Variants in SYN3 observed in about 807,000 individuals in gnomAD.
The protein encoded by SYN3 is synapsin-3.
Under a neutral mutation model 65.8 loss-of-function variants are expected in SYN3, and 35 were observed. That is an observed-to-expected ratio of 0.53 (90% CI 0.41 to 0.70). The LOEUF is 0.70. SYN3 is among the 30% of genes least tolerant of loss of function. The probability of loss-of-function intolerance (pLI) is 0.00; values close to 1 mark genes in which losing one functional copy is unlikely to be tolerated. For missense variants in SYN3, 680 were observed against 749.0 expected, an observed-to-expected ratio of 0.91 and a Z score of 1.08; for synonymous variants, 270 against 292.9, an observed-to-expected ratio of 0.92 and a Z score of 0.80.
intron 3 of SYN3, among the ~76,000 whole-genome samples, chr22:32,971,533 G>A (rs1159947274): frequency 1.3e-5 from 2 of 152,064 alleles, no homozygotes; most frequent in African/African-American, 4.8e-5. Flanking sequence ...AACACAAGGA[G>A]GTCAAATAGG....
intron 1 of SYN3, among the ~76,000 whole-genome samples, chr22:33,013,597 T>G (rs973283366): frequency 6.6e-6 from 1 of 152,198 alleles, no homozygotes; most frequent in Non-Finnish European, 1.5e-5. Context: ...AATTTTGAAA[T>G]ATACAATGCA....
chr22:32,693,542 G>A (rs1337682178), intron 6 of SYN3, among the ~76,000 whole-genome samples: 1 of 150,984 alleles, frequency 6.6e-6, no homozygotes, highest in Non-Finnish European at 1.5e-5. Flanking sequence ...CCCTGTATAG[G>A]TAGTTGTTTG....
chr22:32,798,047 G>T (rs890827700), intron 6 of SYN3, among the ~76,000 whole-genome samples: 5 of 152,156 alleles, frequency 3.3e-5, no homozygotes, highest in Non-Finnish European at 5.9e-5. Flanking sequence ...CAGAAACAAA[G>T]TTTTCATGTG....
chr22:32,902,871 C>CAAA (rs1158432098), intron 4 of SYN3, among the ~76,000 whole-genome samples: 5 of 127,518 alleles, frequency 3.9e-5, no homozygotes, highest in Admixed American at 1.6e-4. Context: ...CCCCTGGAGA[C>CAAA]AAAAAAAAAA....
intron 6 of SYN3, among the ~76,000 whole-genome samples, chr22:32,672,247 C>T (rs1043871698): frequency 1.1e-4 from 16 of 152,128 alleles, no homozygotes; most frequent in Admixed American, 9.8e-4. Context: ...TCTTGCCCAT[C>T]CTTGGGTCCA....
At chr22:32,558,773 A>G (rs2058541187) in intron 7 of SYN3, among the ~76,000 whole-genome samples, 1 of 152,162 alleles carries the variant, frequency 6.6e-6, no homozygotes, top group Non-Finnish European at 1.5e-5. Flanking sequence ...TGATGACTCA[A>G]CCCAAGGGCC....
intron 7 of SYN3, among the ~76,000 whole-genome samples, chr22:32,542,830 A>G (rs553363757): frequency 6.6e-5 from 10 of 152,014 alleles, no homozygotes; most frequent in Admixed American, 2.0e-4. Context: ...AGGCTCTATG[A>G]TAGTGATCTT....
chr22:32,590,171 TC>T (rs1454033734), intron 7 of SYN3, among the ~76,000 whole-genome samples: 22 of 152,318 alleles, frequency 1.4e-4, no homozygotes, highest in Non-Finnish European at 2.6e-4. Flanking sequence ...GAAGATAACT[TC>T]TATTCTGACT....
intron 13 of SYN3, 140 bp from the exon 14 acceptor site, chr22:32,513,964 G>A (rs1318917343): frequency 9.4e-7 from 1 of 1,066,306 alleles, no homozygotes; most frequent in Non-Finnish European, 1.3e-6. Context: ...GCATTCCAAT[G>A]CTTACATGAT....
intron 6 of SYN3, among the ~76,000 whole-genome samples, chr22:32,693,677 A>G (rs1303227265): frequency 7.6e-6 from 1 of 130,852 alleles, no homozygotes; most frequent in Non-Finnish European, 1.5e-5. Flanking sequence ...CTGCAATTCC[A>G]GCCTCCCGGG....
intron 6 of SYN3, chr22:32,802,271 G>A (rs2046609844): frequency 8.0e-7 from 1 of 1,250,170 alleles, no homozygotes; most frequent in South Asian, 1.6e-5. Context: ...CGATGTCCTT[G>A]GGCGGGGGCG....
intron 6 of SYN3, among the ~76,000 whole-genome samples, chr22:32,856,930 C>T (rs1392276431): frequency 6.6e-6 from 1 of 152,194 alleles, no homozygotes; most frequent in African/African-American, 2.4e-5. Context: ...CTGTGCCTGG[C>T]TTATTCCGCT....
At chr22:32,814,324 A>AAAGAAAGAAAGAAAGAAAGAAAGAAAGG (rs143987389) in intron 6 of SYN3, among the ~76,000 whole-genome samples, 19 of 65,976 alleles carry the variant, frequency 2.9e-4, no homozygotes, top group African/African-American at 9.2e-4. Context: ...AGACAGAAAG[A>AAAGAAAGAAAGAAAGAAAGAAAGAAAGG]AAGAAAGAAA....
At chr22:32,915,732 G>T (rs987507373) in intron 4 of SYN3, among the ~76,000 whole-genome samples, 6 of 152,180 alleles carry the variant, frequency 3.9e-5, no homozygotes, top group South Asian at 2.1e-4. Context: ...ATCATATGAG[G>T]TTTTGCAAAC....
chr22:32,548,795 C>A (rs1424874024), intron 7 of SYN3, among the ~76,000 whole-genome samples: 1 of 152,206 alleles, frequency 6.6e-6, no homozygotes, highest in Non-Finnish European at 1.5e-5. Flanking sequence ...TATTAAACAT[C>A]CATCCTAAAG....
At chr22:33,015,187 C>T (rs1047889520) in intron 1 of SYN3, 2 of 246,714 alleles carry the variant, frequency 8.1e-6, no homozygotes, top group African/African-American at 2.5e-5. Flanking sequence ...CGCCACAGCA[C>T]TCCAGCCTGG....
At chr22:32,928,147 G>A (rs563231631) in intron 4 of SYN3, among the ~76,000 whole-genome samples, 1 of 152,160 alleles carries the variant, frequency 6.6e-6, no homozygotes, top group Non-Finnish European at 1.5e-5. Flanking sequence ...TGGCTAACAC[G>A]GTGAAACCCC....
intron 6 of SYN3, among the ~76,000 whole-genome samples, chr22:32,680,188 ATC>A (rs1491220181): frequency 6.6e-6 from 1 of 152,118 alleles, no homozygotes; most frequent in African/African-American, 2.4e-5. Context: ...CCTTGGATAA[ATC>A]TCTCATTCTA....
rs921158112 is a variant in SYN3, at chr22:32,681,493, A to C, written c.712-84757T>G. The stretch of plus-strand genomic sequence containing the variant: ...TCTTCTCAACAGCCATGGAACACAC[A>C]TATGATCCCATTTACCATATGAGAA... On this transcript the variant is annotated intron_variant, in intron 6 of 13. Coordinates refer to ENST00000358763, the MANE Select transcript of SYN3 (RefSeq NM_003490.4). 9.2e-5 allele frequency among the ~76,000 whole-genome samples: 14 copies of C among 152,352 alleles called. No homozygotes were observed. The East Asian group carries it at 2.7e-3, about 29-fold the overall frequency.
Sources: gnomAD v4.1 joint callset for allele counts (sites outside exome capture counted in the v4.1 genomes callset) on GRCh38, gnomAD v4.1.1 for gene constraint, MANE v1.5 for transcripts, NCBI Gene and HGNC (gene_info 2026-07-23, HGNC 2026-07-21) for gene names.